The following TNFSF4 variants were observed in gnomAD, a reference collection of about 807,000 sequenced individuals.
TNFSF4 encodes the protein tumor necrosis factor ligand superfamily member 4.
In TNFSF4, 4 loss-of-function variants were observed where a neutral mutation model predicts 7.3. That is an observed-to-expected ratio of 0.55 (90% CI 0.27 to 1.25). The LOEUF is 1.25. Among genes scored for constraint, TNFSF4 ranks in the 50% most tolerant of loss-of-function variants. TNFSF4 has a pLI of 0.12. For synonymous variants in TNFSF4, 76 were observed against 83.7 expected, an observed-to-expected ratio of 0.91 and a Z score of 0.50; for missense variants, 181 against 208.8, an observed-to-expected ratio of 0.87 and a Z score of 0.82.
the TNFSF4 span, among the ~76,000 whole-genome samples, chr1:173,450,248 A>G: frequency 6.6e-6 from 1 of 152,162 alleles, no homozygotes; most frequent in African/African-American, 2.4e-5. Context: ...GCAATGATTT[A>G]TTTCATATAT....
At chr1:173,428,767 G>A in the TNFSF4 span, among the ~76,000 whole-genome samples, 1 of 152,194 alleles carries the variant, frequency 6.6e-6, no homozygotes, top group Non-Finnish European at 1.5e-5. Flanking sequence ...CAATTTGGGA[G>A]GCCAAGGCAG....
chr1:173,392,995 G>T, the TNFSF4 span, among the ~76,000 whole-genome samples: 1 of 152,128 alleles, frequency 6.6e-6, no homozygotes, highest in Non-Finnish European at 1.5e-5. Context: ...TAAAGGGAAT[G>T]AATGTTTGGT....
chr1:173,382,902 ACACAC>A, the TNFSF4 span, among the ~76,000 whole-genome samples: 1 of 151,748 alleles, frequency 6.6e-6, no homozygotes, highest in African/African-American at 2.4e-5. Context: ...ACACACACAC[ACACAC>A]ACAAAGGTGC....
the TNFSF4 span, among the ~76,000 whole-genome samples, chr1:173,313,474 C>A: frequency 1.3e-5 from 2 of 152,052 alleles, no homozygotes; most frequent in African/African-American, 4.8e-5. Context: ...TTGCCACATC[C>A]TAAGCAGTAA....
At chr1:173,412,746 A>C in the TNFSF4 span, among the ~76,000 whole-genome samples, 1 of 152,238 alleles carries the variant, frequency 6.6e-6, no homozygotes, top group Non-Finnish European at 1.5e-5. Context: ...AATAGTGATT[A>C]TCTTTGAGTG....
At chr1:173,237,647 C>A in the TNFSF4 span, among the ~76,000 whole-genome samples, 1 of 152,166 alleles carries the variant, frequency 6.6e-6, no homozygotes, top group Non-Finnish European at 1.5e-5. Flanking sequence ...GGAATGCAAT[C>A]CCATTCACAA....
At chr1:173,357,568 G>C in the TNFSF4 span, among the ~76,000 whole-genome samples, 2 of 151,590 alleles carry the variant, frequency 1.3e-5, no homozygotes, top group African/African-American at 4.8e-5. Flanking sequence ...TTTTGCTCTT[G>C]TTGCCCAGGC....
the TNFSF4 span, among the ~76,000 whole-genome samples, chr1:173,313,752 G>C: frequency 3.3e-5 from 5 of 151,798 alleles, no homozygotes; most frequent in Non-Finnish European, 7.4e-5. Flanking sequence ...TTCTCTCTTC[G>C]TATATTACAC....
chr1:173,332,219 A>G, the TNFSF4 span, among the ~76,000 whole-genome samples: 1 of 152,178 alleles, frequency 6.6e-6, no homozygotes, highest in Non-Finnish European at 1.5e-5. Flanking sequence ...GCTCTCACTC[A>G]GCAAGAGTGA....
chr1:173,284,756 A>G, the TNFSF4 span, among the ~76,000 whole-genome samples: 1 of 152,320 alleles, frequency 6.6e-6, no homozygotes, highest in South Asian at 2.1e-4. Flanking sequence ...CATTTGAAGC[A>G]TGGTTTACTG....
intron 2 of TNFSF4, among the ~76,000 whole-genome samples, chr1:173,187,153 T>C (rs3861950): frequency 0.46 from 70,371 of 152,050 alleles, 19,797 homozygotes; most frequent in African/African-American, 0.79. Context: ...AGAGGCAATG[T>C]TAACACTAAT....
the TNFSF4 span, among the ~76,000 whole-genome samples, chr1:173,393,061 G>A: frequency 2.0e-5 from 3 of 152,290 alleles, no homozygotes; most frequent in East Asian, 5.8e-4. Context: ...AAGGAATCGA[G>A]GTGGAGTGGG....
the TNFSF4 span, among the ~76,000 whole-genome samples, chr1:173,218,862 C>G: frequency 6.6e-6 from 1 of 152,118 alleles, no homozygotes; most frequent in South Asian, 2.1e-4. Flanking sequence ...AGATTACATA[C>G]TAAACTGAGA....
At chr1:173,290,652 C>T in the TNFSF4 span, among the ~76,000 whole-genome samples, 6 of 152,194 alleles carry the variant, frequency 3.9e-5, no homozygotes, top group African/African-American at 1.4e-4. Flanking sequence ...CAACACCCCA[C>T]TGACAGTGTT....
the TNFSF4 span, among the ~76,000 whole-genome samples, chr1:173,348,395 T>C: frequency 0.3 from 46,133 of 152,114 alleles, 7,187 homozygotes; most frequent in East Asian, 0.35. Context: ...TCCTCAGCCA[T>C]GGGGAGCTGT....
the TNFSF4 span, among the ~76,000 whole-genome samples, chr1:173,357,595 A>G: frequency 1.3e-5 from 2 of 151,962 alleles, no homozygotes; most frequent in African/African-American, 4.8e-5. Flanking sequence ...GCAATGGTGC[A>G]ATGTCGGCTC....
chr1:173,380,941 C>T, the TNFSF4 span, among the ~76,000 whole-genome samples: 1 of 152,158 alleles, frequency 6.6e-6, no homozygotes, highest in East Asian at 1.9e-4. Flanking sequence ...GGACAGGCAC[C>T]TGCACCTTAG....
the TNFSF4 span, among the ~76,000 whole-genome samples, chr1:173,284,495 G>C: frequency 2.6e-5 from 4 of 152,184 alleles, no homozygotes; most frequent in South Asian, 4.1e-4. Context: ...GGTTTTTCAA[G>C]GTAGATGAAA....
chr1:173,277,095 C>T, the TNFSF4 span, among the ~76,000 whole-genome samples: 603 of 152,216 alleles, frequency 4.0e-3, 6 homozygotes, highest in African/African-American at 0.014. Context: ...CTCTTTGAAC[C>T]CATTCAACCA....
Sources: allele counts gnomAD v4.1 joint callset (sites outside exome capture counted in the v4.1 genomes callset), GRCh38; gene constraint gnomAD v4.1.1; transcripts MANE v1.5; gene names NCBI Gene and HGNC (gene_info 2026-07-23, HGNC 2026-07-21).